The following LGR4 variants were observed in gnomAD, a reference collection of about 807,000 sequenced individuals.
LGR4 encodes the protein leucine rich repeat containing G protein-coupled receptor 4.
Under a neutral mutation model 84.8 loss-of-function variants are expected in LGR4, and 44 were observed. That is an observed-to-expected ratio of 0.52 (90% confidence interval 0.41 to 0.67). The LOEUF is 0.67. Ranked by LOEUF, LGR4 falls within the 30% of genes least tolerant of loss-of-function variation. LGR4 has a pLI of 0.00. For missense variants in LGR4, 1,032 were observed against 1,131.4 expected, an observed-to-expected ratio of 0.91 and a Z score of 1.26; for synonymous variants, 429 against 434.3, an observed-to-expected ratio of 0.99 and a Z score of 0.15.
chr11:27,447,645 C>T (rs774037173), intron 1 of LGR4, among the ~76,000 whole-genome samples: 4 of 152,150 alleles, frequency 2.6e-5, no homozygotes, highest in Non-Finnish European at 4.4e-5. Flanking sequence ...TCTTAATAAA[C>T]TTGTTTTCAC....
chr11:27,376,114 T>C (rs1175238863), intron 13 of LGR4, among the ~76,000 whole-genome samples, 185 bp downstream of exon 13: 4 of 151,984 alleles, frequency 2.6e-5, no homozygotes, highest in Non-Finnish European at 4.4e-5. Context: ...GTAGCTGGGA[T>C]TACAGGCATG....
chr11:27,395,354 TAA>T (rs34634648), intron 2 of LGR4, among the ~76,000 whole-genome samples: 2 of 143,234 alleles, frequency 1.4e-5, no homozygotes, highest in Admixed American at 7.0e-5. Context: ...GCTGGGCTCA[TAA>T]AAAAAAAAAA....
Position 27,368,695 on chromosome 11 carries a change from T to G in LGR4, c.2028A>C (p.Ala676=). The G allele has an allele frequency of 6.2e-7, 1 of 1,613,902 alleles. No homozygotes were observed. ...CTCTATGGAAAAGGGGAAAACAGCC[T>G]GCTACTGTAGCACCTAGGAAAGCCA... ...ALLAFLGATV[A]GCFPLFHRGE... is the part of the protein sequence containing the mutation. The change falls in exon 18 of 18, where the codon GCA becomes GCC. Residue 676 remains alanine (A), a synonymous_variant. Transcript: ENST00000379214.
chr11:27,379,108 A>G, intron 10 of LGR4: 1 of 235,102 alleles, frequency 4.3e-6, no homozygotes, highest in Non-Finnish European at 8.1e-6. Flanking sequence ...TTTGAAACCA[A>G]CTTGCATTCT....
At chr11:27,446,165 T>C (rs1466313187) in intron 1 of LGR4, among the ~76,000 whole-genome samples, 3 of 152,062 alleles carry the variant, frequency 2.0e-5, no homozygotes, top group Non-Finnish European at 2.9e-5. Flanking sequence ...TTAAGTTCTT[T>C]GCAGATTCTG....
intron 1 of LGR4, among the ~76,000 whole-genome samples, chr11:27,467,586 A>C: frequency 6.6e-6 from 1 of 151,860 alleles, no homozygotes; most frequent in East Asian, 1.9e-4. Context: ...AAAAAAATCA[A>C]ATTAAATAGA....
chr11:27,391,052 G>T, intron 4 of LGR4, 42 bp downstream of exon 4: 1 of 1,086,832 alleles, frequency 9.2e-7, no homozygotes. Flanking sequence ...TTAACAGCCA[G>T]AGTAGTCTCT....
At chr11:27,420,310 G>T (rs945806261) in intron 1 of LGR4, among the ~76,000 whole-genome samples, 1 of 152,100 alleles carries the variant, frequency 6.6e-6, no homozygotes, top group African/African-American at 2.4e-5. Context: ...AGAACACTGG[G>T]TCCAGTTTCT....
At position 27,472,269 on chromosome 11, in the gene LGR4, C is replaced by G; in HGVS notation, c.34G>C (p.Ala12Pro). The G allele has an allele frequency of 7.9e-7, 1 of 1,269,240 alleles. No individual in the cohort carries two copies. The highest frequency in any genetic ancestry group is 3.3e-5 in the East Asian group (1 of 30,004). The allele number at this position is 1,269,240 out of a possible 1,614,324, so 78.6% of individuals were successfully genotyped here. A position where few individuals can be genotyped will look rare whatever the true frequency, so the allele number is the denominator to read the frequency against. The change falls in exon 1 of 18, where the codon GCC (alanine) becomes CCC (proline). Residue 12 changes from alanine to proline, a missense_variant. Transcript: ENST00000379214. ...PGPLGLLCFLALGLLGSAGPS... is the reference protein window; with the variant it reads ...PGPLGLLCFLPLGLLGSAGPS... ...CCGGCCGAGCCGAGCAGCCCCAGGG[C>G]GAGGAAGCAGAGCAGCCCTAGCGGG...
At chr11:27,446,961 C>A (rs1011035035) in intron 1 of LGR4, among the ~76,000 whole-genome samples, 2 of 151,422 alleles carry the variant, frequency 1.3e-5, no homozygotes, top group Non-Finnish European at 2.9e-5. Context: ...CGCATGTTCT[C>A]ACTCATAGGT....
Position 27,372,304 on chromosome 11 carries a change from G to T in LGR4, c.1474C>A (p.His492Asn), listed in dbSNP as rs766725576. 3 of 1,610,606 alleles carry T rather than the reference G, an allele frequency of 1.9e-6. No homozygotes were observed. Among genetic ancestry groups the T allele is most frequent in the Non-Finnish European group, 2.5e-6 (3 of 1,176,930 alleles). Residue 492 changes from histidine to asparagine, a missense_variant, in exon 16 of 18, where the codon CAC becomes AAC. Physicochemically the swap from His to Asn is moderately conservative, Grantham distance 68. Transcript: ENST00000379214. ...TTGCCTTTCTCCTGTGCCACACTGTGGTCCTGGAGGCTGTTATCTTCTGTG... is the reference window on the plus strand; with the variant it reads ...TTGCCTTTCTCCTGTGCCACACTGTTGTCCTGGAGGCTGTTATCTTCTGTG... Reference protein sequence around the residue: ...LNTEDNSLQDHSVAQEKGTAD... With the variant: ...LNTEDNSLQDNSVAQEKGTAD...
chr11:27,466,652 C>T (rs1864782583), intron 1 of LGR4, among the ~76,000 whole-genome samples: 1 of 152,186 alleles, frequency 6.6e-6, no homozygotes. Flanking sequence ...ATGTTAAGAG[C>T]CAAGGGCCTG....
chr11:27,428,066 A>G (rs1177880502), intron 1 of LGR4, among the ~76,000 whole-genome samples: 1 of 151,894 alleles, frequency 6.6e-6, no homozygotes, highest in Non-Finnish European at 1.5e-5. Context: ...GGGGGGTGGA[A>G]GTAGTTCCTG....
chr11:27,421,459 G>A (rs1388691910), intron 1 of LGR4, among the ~76,000 whole-genome samples: 1 of 152,148 alleles, frequency 6.6e-6, no homozygotes, highest in Non-Finnish European at 1.5e-5. Context: ...ACCATTTTAT[G>A]CTGTAATTGT....
chr11:27,428,480 T>C (rs758246695), intron 1 of LGR4, among the ~76,000 whole-genome samples: 1 of 152,218 alleles, frequency 6.6e-6, no homozygotes, highest in Non-Finnish European at 1.5e-5. Context: ...TATGTTAGTA[T>C]CTTGTGAGCA....
At chr11:27,413,570 C>T (rs927278651) in intron 1 of LGR4, among the ~76,000 whole-genome samples, 1 of 152,178 alleles carries the variant, frequency 6.6e-6, no homozygotes, top group Non-Finnish European at 1.5e-5. Flanking sequence ...TTCTCTGCCA[C>T]ACTCCACTTG....
intron 1 of LGR4, among the ~76,000 whole-genome samples, chr11:27,448,648 T>C (rs1469729027): frequency 6.6e-6 from 1 of 152,216 alleles, no homozygotes; most frequent in Non-Finnish European, 1.5e-5. Flanking sequence ...TGCTGTACAT[T>C]TGTTCACAAT....
At chr11:27,449,667 T>C (rs1450202432) in intron 1 of LGR4, among the ~76,000 whole-genome samples, 3 of 150,972 alleles carry the variant, frequency 2.0e-5, no homozygotes, top group Admixed American at 1.3e-4. Flanking sequence ...AAAAAGTAAA[T>C]AAAATAAAAA....
intron 1 of LGR4, among the ~76,000 whole-genome samples, chr11:27,459,399 T>A (rs914487349): frequency 1.3e-5 from 2 of 152,128 alleles, no homozygotes; most frequent in African/African-American, 4.8e-5. Flanking sequence ...CTTCTTATCC[T>A]TGGATGTCAC....
Sources: allele counts gnomAD v4.1 joint callset (sites outside exome capture counted in the v4.1 genomes callset), GRCh38; gene constraint gnomAD v4.1.1; transcripts MANE v1.5; gene names NCBI Gene and HGNC (gene_info 2026-07-23, HGNC 2026-07-21).